ALB: variants seen among roughly 807,000 people sequenced by gnomAD.
ALB encodes the protein serum albumin.
A neutral mutation model predicts 74.5 loss-of-function variants in ALB; 37 were observed. The observed-to-expected ratio is 0.50, with a 90% confidence interval of 0.38 to 0.65. The LOEUF is 0.65. ALB is among the 30% of genes least tolerant of loss of function. The pLI, the probability that ALB is intolerant of heterozygous loss-of-function variation, is 0.00. For synonymous variants in ALB, 249 were observed against 251.6 expected, an observed-to-expected ratio of 0.99 and a Z score of 0.10; for missense variants, 685 against 718.7, an observed-to-expected ratio of 0.95 and a Z score of 0.54.
At chr4:73,409,147 GCACACACA>G (rs55764359) in intron 4 of ALB, 200 bp from the exon 5 acceptor site, 7 of 560,500 alleles carry the variant, frequency 1.2e-5, no homozygotes, top group Non-Finnish European at 2.2e-5. Flanking sequence ...AACCATTTAT[GCACACACA>G]CACACACACA....
intron 11 of ALB, 197 bp downstream of exon 11, chr4:73,417,866 TGA>T: frequency 1.4e-6 from 1 of 701,740 alleles, no homozygotes; most frequent in Non-Finnish European, 2.3e-6. Flanking sequence ...TTTTTTTTTT[TGA>T]GACGGAGTCT....
chr4:73,420,109 C>T, intron 13 of ALB, 145 bp from the exon 14 acceptor site: 1 of 766,630 alleles, frequency 1.3e-6, no homozygotes, highest in Non-Finnish European at 2.1e-6. Flanking sequence ...AGCTTCCGTC[C>T]AGAGATTATA....
chr4:73,420,195 T>G, intron 13 of ALB, 59 bp from the exon 14 acceptor site: 1 of 1,454,824 alleles, frequency 6.9e-7, no homozygotes, highest in Non-Finnish European at 9.6e-7. Flanking sequence ...AAATGTTAAT[T>G]TTGTATCCTA....
At chr4:73,410,218 A>G in intron 5 of ALB, 94 bp from the exon 6 acceptor site, 2 of 981,508 alleles carry the variant, frequency 2.0e-6, no homozygotes, top group Non-Finnish European at 1.6e-6. Context: ...TATGCCTTCA[A>G]AATTTAATTT....
Position 73,406,715 on chromosome 4 carries a change from A to G in ALB, c.224A>G (p.Lys75Arg). 1.2e-6 allele frequency: 2 copies of G among 1,613,952 alleles called. No homozygotes were observed. The highest frequency in any genetic ancestry group is 1.7e-6 in the Non-Finnish European group (2 of 1,179,964). Residue 75 changes from lysine (K) to arginine (R), a missense_variant, in exon 3 of 15, where the codon AAA becomes AGA. By Grantham distance (26) the Lys-to-Arg change is conservative. Coordinates refer to ENST00000295897, the MANE Select transcript of ALB (RefSeq NM_000477.7). ...GTGAATGAAGTAACTGAATTTGCAA[A>G]AACATGTGTTGCTGATGAGTCAGCT... ...KLVNEVTEFAKTCVADESAEN... is the reference protein window; with the variant it reads ...KLVNEVTEFARTCVADESAEN...
chr4:73,404,845 A>G (rs1718677015), intron 1 of ALB: 3 of 425,476 alleles, frequency 7.1e-6, no homozygotes, highest in African/African-American at 2.0e-5. Context: ...GATAGACACT[A>G]AAAGAGTATT....
rs1417099320 is a variant in ALB, at chr4:73,413,259, C to G, written c.844-161C>G. On this transcript the variant is annotated intron_variant, in intron 7 of 14. Transcript: ENST00000295897. ...AGTGGGAATGTTTTTGTAGTCCTAT[C>G]TACATCTCCAGGTTTAGGAGCAAAC... 4 of 703,124 alleles carry G rather than the reference C, an allele frequency of 5.7e-6. No homozygotes were observed. In the African/African-American group the frequency reaches 7.0e-5, roughly 12 times the overall value. 43.6% of individuals were successfully genotyped at this position (703,124 alleles called of 1,614,324 possible). A position where few individuals can be genotyped will look rare whatever the true frequency, so the allele number is the denominator to read the frequency against.
chr4:73,406,046 G>C (rs1425304151), intron 2 of ALB, among the ~76,000 whole-genome samples: 11 of 152,182 alleles, frequency 7.2e-5, no homozygotes, highest in African/African-American at 2.6e-4. Context: ...AGGATTGCTT[G>C]AGCCCAGGAG....
rs77238412 is a variant in ALB at position 73,408,735 on chromosome 4, C to T, written c.412C>T (p.Arg138Ter). Residue 138 changes from arginine (R) to a stop codon, truncating the protein, a stop_gained, in exon 4 of 15, where the codon CGA becomes TGA. Coordinates refer to ENST00000295897, the MANE Select transcript of ALB (RefSeq NM_000477.7). LOFTEE classifies it high-confidence loss of function. ...QHKDDNPNLP[R>*]LVRPEVDVMC... The stretch of plus-strand genomic sequence containing the variant: ...CAAAGATGACAACCCAAACCTCCCC[C>T]GATTGGTGAGACCAGAGGTTGATGT... The T allele has an allele frequency of 8.7e-6, 14 of 1,613,896 alleles. No homozygotes were observed. The highest frequency in any genetic ancestry group is 1.3e-5 in the African/African-American group (1 of 74,904).
At position 73,412,131 on chromosome 4, in the gene ALB, G is replaced by C; in HGVS notation, c.843+6G>C. 6.2e-7 allele frequency: 1 copy of C among 1,614,034 alleles called. No individual in the cohort carries two copies. Among genetic ancestry groups the C allele is most frequent in the Non-Finnish European group, 8.5e-7 (1 of 1,179,964 alleles). ...TTGAATGTGCTGATGACAGGGTAAA[G>C]AGTCGTCGATATGCTTTTTGGTAGC... is the stretch of plus-strand genomic sequence containing the variant. On this transcript the variant is annotated splice_donor_region_variant and intron_variant, in intron 7 of 14. Coordinates refer to ENST00000295897, the MANE Select transcript of ALB (RefSeq NM_000477.7).
intron 12 of ALB, among the ~76,000 whole-genome samples, chr4:73,418,907 C>T (rs1406177634): frequency 6.6e-6 from 1 of 152,124 alleles, no homozygotes; most frequent in Non-Finnish European, 1.5e-5. Flanking sequence ...GTCATGCCCA[C>T]ACAAATCTCT....
At position 73,408,784 on chromosome 4, in the gene ALB, A is replaced by G. The variant is rs1373856323; in HGVS notation, c.461A>G (p.Asn154Ser). ...GTGATGTGCACTGCTTTTCATGACA[A>G]TGAAGAGACATTTTTGAAAAAGTAA... ...VDVMCTAFHD[N>S]EETFLKKYLY... The change falls in exon 4 of 15, where the codon AAT becomes AGT. Residue 154 changes from asparagine (N) to serine (S), a missense_variant. Physicochemically the swap from Asn to Ser is conservative, Grantham distance 46. Transcript: ENST00000295897. 6 of 1,613,722 alleles carry G rather than the reference A, an allele frequency of 3.7e-6. No individual in the cohort carries two copies. The highest frequency in any genetic ancestry group is 1.6e-4 in the Middle Eastern group (1 of 6,062).
At chr4:73,406,031 G>A (rs2149326888) in intron 2 of ALB, among the ~76,000 whole-genome samples, 1 of 152,270 alleles carries the variant, frequency 6.6e-6, no homozygotes, top group South Asian at 2.1e-4. Context: ...GAAGGCTGAT[G>A]CAGGAGGATT....
Position 73,419,554 on chromosome 4 carries a change from A to G in ALB, c.1700A>G (p.Gln567Arg). The change falls in exon 13 of 15, where the codon CAA becomes CGA. Residue 567 changes from glutamine to arginine, a missense_variant. Gln to Arg is a conservative substitution (Grantham distance 43). Transcript: ENST00000295897. ...VKHKPKATKE[Q>R]LKAVMDDFAA... ...CACAAGCCCAAGGCAACAAAAGAGC[A>G]ACTGAAAGCTGTTATGGATGATTTC... is the stretch of plus-strand genomic sequence containing the variant. 1 of 1,613,864 alleles carries G rather than the reference A, an allele frequency of 6.2e-7. No homozygotes were observed. Among genetic ancestry groups the G allele is most frequent in the Non-Finnish European group, 8.5e-7 (1 of 1,179,908 alleles).
chr4:73,414,868 C>T (rs890039668), intron 8 of ALB, among the ~76,000 whole-genome samples, 167 bp from the exon 9 acceptor site: 8 of 152,066 alleles, frequency 5.3e-5, no homozygotes, highest in African/African-American at 1.9e-4. Context: ...GGAATTGAGC[C>T]TTGGTAACTT....
At chr4:73,409,288 G>A (rs1176632902) in intron 4 of ALB, 67 bp from the exon 5 acceptor site, 17 of 1,542,676 alleles carry the variant, frequency 1.1e-5, no homozygotes, top group South Asian at 5.7e-5. Flanking sequence ...GGAGAATGTC[G>A]ATTACAATTA....
Position 73,404,324 on chromosome 4 carries a change from CA to C in ALB, c.-3del. The stretch of plus-strand genomic sequence containing the variant: ...TTCTGTCAACCCCACACGCCTTTGG[CA>C]CAATGAAGTGGGTAACCTTTATTTC... On this transcript the variant is annotated 5_prime_UTR_variant, in exon 1 of 15. Coordinates refer to ENST00000295897, the MANE Select transcript of ALB (RefSeq NM_000477.7). The C allele has an allele frequency of 6.2e-7, 1 of 1,612,816 alleles. No homozygotes were observed. The highest frequency in any genetic ancestry group is 8.5e-7 in the Non-Finnish European group (1 of 1,178,928).
chr4:73,420,612 C>T (rs913706784), intron 14 of ALB, among the ~76,000 whole-genome samples: 2 of 152,172 alleles, frequency 1.3e-5, no homozygotes, highest in East Asian at 1.9e-4. Flanking sequence ...TGCCCATTGT[C>T]CTGTTCTGAC....
At chr4:73,408,871 T>A in intron 4 of ALB, 66 bp downstream of exon 4, 2 of 1,308,252 alleles carry the variant, frequency 1.5e-6, no homozygotes, top group Non-Finnish European at 2.1e-6. Flanking sequence ...GCCAACACTC[T>A]ATAAAAATTA....
Sources: allele counts gnomAD v4.1 joint callset (sites outside exome capture counted in the v4.1 genomes callset), GRCh38; gene constraint gnomAD v4.1.1; transcripts MANE v1.5; gene names NCBI Gene and HGNC (gene_info 2026-07-23, HGNC 2026-07-21).